NFATC1: variants seen among roughly 807,000 people sequenced by gnomAD.
NFATC1 encodes the protein nuclear factor of activated T cells 1.
A neutral mutation model predicts 76.0 loss-of-function variants in NFATC1; 22 were observed. The ratio of observed to expected loss-of-function variants is 0.29; its 90% confidence interval spans 0.21 to 0.41. The LOEUF is 0.41. NFATC1 is among the 10% of genes least tolerant of loss of function. The probability of loss-of-function intolerance (pLI) is 1.00; values close to 1 mark genes in which losing one functional copy is unlikely to be tolerated. For synonymous variants in NFATC1, 704 were observed against 613.1 expected, an observed-to-expected ratio of 1.15 and a Z score of -2.19; for missense variants, 1,357 against 1,337.7, an observed-to-expected ratio of 1.01 and a Z score of -0.23.
chr18:79,441,254 C>T (rs543177910), intron 3 of NFATC1, among the ~76,000 whole-genome samples: 1 of 152,316 alleles, frequency 6.6e-6, no homozygotes, highest in South Asian at 2.1e-4. Context: ...AGGGGTGCTG[C>T]TGGATGGTGG....
At chr18:79,457,534 G>A (rs1365620117) in intron 6 of NFATC1, among the ~76,000 whole-genome samples, 1 of 152,170 alleles carries the variant, frequency 6.6e-6, no homozygotes, top group African/African-American at 2.4e-5. Context: ...TGGTCATGTT[G>A]GCTAGTTTCT....
At chr18:79,468,476 A>G (rs2088631939) in intron 8 of NFATC1, 1 of 152,218 alleles carries the variant, frequency 6.6e-6, no homozygotes, top group South Asian at 2.1e-4. Context: ...TAACATCAAT[A>G]ATCTTTTTAT....
intron 8 of NFATC1, among the ~76,000 whole-genome samples, chr18:79,473,953 G>C (rs941234847): frequency 2.0e-5 from 3 of 149,298 alleles, no homozygotes; most frequent in African/African-American, 7.5e-5. Flanking sequence ...TAAACCTGAG[G>C]GAAGCGTGTT....
rs1049146744 is a variant in NFATC1, at chr18:79,397,370, G to C, written c.127+1019G>C. Among the ~76,000 whole-genome samples, 6 of 152,344 alleles carry C rather than the reference G, an allele frequency of 3.9e-5. 1 individual carries two copies. In the South Asian group the frequency reaches 1.2e-3, roughly 32 times the overall value. On this transcript the variant is annotated intron_variant, in intron 1 of 9. Transcript: ENST00000427363. ...ACTTCATAAGGGCAGACGTCCTTCC[G>C]AGCGCTGCCGCTTCCTGCGCGACCC...
intron 1 of NFATC1, among the ~76,000 whole-genome samples, chr18:79,407,819 A>G (rs894416792): frequency 3.9e-5 from 6 of 152,134 alleles, no homozygotes; most frequent in Non-Finnish European, 7.4e-5. Context: ...TCTTGAGGGC[A>G]TTTCTTTACG....
intron 3 of NFATC1, among the ~76,000 whole-genome samples, chr18:79,439,576 C>T (rs1230675416): frequency 1.3e-5 from 2 of 152,248 alleles, no homozygotes; most frequent in African/African-American, 4.8e-5. Context: ...CCCTGGACTG[C>T]TAAGCGCATA....
Position 79,396,268 on chromosome 18 carries a change from G to T in NFATC1, c.44G>T (p.Gly15Val). 1 of 1,483,414 alleles carries T rather than the reference G, an allele frequency of 6.7e-7. No individual in the cohort carries two copies. Among genetic ancestry groups the T allele is most frequent in the Admixed American group, 2.1e-5 (1 of 48,360 alleles). The allele number at this position is 1,483,414 out of a possible 1,614,324, so 91.9% of individuals were successfully genotyped here. A position where few individuals can be genotyped will look rare whatever the true frequency, so the allele number is the denominator to read the frequency against. Residue 15 changes from glycine to valine, a missense_variant, in exon 1 of 10, where the codon GGC (glycine) becomes GTC (valine). Gly to Val is a moderately radical substitution (Grantham distance 109). Transcript: ENST00000427363. ...SFPVPSKFPL[G>V]PAAAVFGRGE... ...CCAGTCCCTTCCAAGTTTCCACTTG[G>T]CCCTGCGGCTGCGGTCTTCGGGAGA...
rs1394164653 is a variant in NFATC1 at position 79,411,033 on chromosome 18, G to A, written c.758G>A (p.Gly253Asp). ...RASVTEESWL[G>D]ARSSRPASPC... Reference sequence around the variant, plus strand: ...AGCGTCACTGAGGAGAGCTGGCTGGGTGCCCGCTCCTCCAGACCCGCGTCC... The same window carrying A: ...AGCGTCACTGAGGAGAGCTGGCTGGATGCCCGCTCCTCCAGACCCGCGTCC... Residue 253 changes from glycine to aspartate, a missense_variant, in exon 2 of 10, where the codon GGT becomes GAT. Physicochemically the swap from Gly to Asp is moderately conservative, Grantham distance 94 (BLOSUM62 -1). This residue lies in a region of NFATC1 where 691 missense variants were observed against 613.1 expected (regional missense o/e 1.13). Transcript: ENST00000427363. 15 of 1,611,634 alleles carry A rather than the reference G, an allele frequency of 9.3e-6. No individual in the cohort carries two copies. The highest frequency in any genetic ancestry group is 1.3e-5 in the Non-Finnish European group (15 of 1,179,500).
chr18:79,504,731 A>G (rs181981070), intron 9 of NFATC1, among the ~76,000 whole-genome samples: 1 of 152,372 alleles, frequency 6.6e-6, no homozygotes, highest in African/African-American at 2.4e-5. Flanking sequence ...TGCCTGCAAG[A>G]CATCCACAAA....
intron 4 of NFATC1, among the ~76,000 whole-genome samples, chr18:79,450,184 G>C (rs771910455): frequency 1.3e-5 from 2 of 152,156 alleles, no homozygotes; most frequent in Non-Finnish European, 1.5e-5. Flanking sequence ...GTGGGTGGTC[G>C]GGGAGTCTGT....
At chr18:79,419,589 G>T (rs1301618011) in intron 2 of NFATC1, among the ~76,000 whole-genome samples, 2 of 152,208 alleles carry the variant, frequency 1.3e-5, no homozygotes, top group African/African-American at 4.8e-5. Flanking sequence ...GGTTAGCTCA[G>T]ATGCCCCCGT....
intron 9 of NFATC1, chr18:79,496,674 G>A (rs1340501863): frequency 6.6e-6 from 1 of 152,286 alleles, no homozygotes; most frequent in Admixed American, 6.5e-5. Flanking sequence ...TTTTCTTCCT[G>A]TCAATGCTGA....
At chr18:79,469,982 T>G in intron 8 of NFATC1, 1 of 985,458 alleles carries the variant, frequency 1.0e-6, no homozygotes, top group Non-Finnish European at 1.2e-6. Flanking sequence ...ACTGTCAGTG[T>G]GGTTGTTAAA....
intron 9 of NFATC1, among the ~76,000 whole-genome samples, chr18:79,526,387 C>T (rs2090764575): frequency 6.6e-6 from 1 of 152,258 alleles, no homozygotes; most frequent in African/African-American, 2.4e-5. Context: ...CCAGGATCAG[C>T]GTGGCTCTGA....
rs777207600 is a variant in NFATC1, at chr18:79,486,267, A to G, written c.2112A>G (p.Glu704=). ...TCACAGTTCCAATTATAAAAACAGAACCCACTGATGATTATGAGCCTGCTC... is the reference window on the plus strand; with the variant it reads ...TCACAGTTCCAATTATAAAAACAGAGCCCACTGATGATTATGAGCCTGCTC... The part of the protein sequence containing the change: ...LPANVPIIKT[E]PTDDYEPAPT... Residue 704 remains glutamate, a synonymous_variant, in exon 9 of 10, where the codon GAA becomes GAG. Coordinates refer to ENST00000427363, the MANE Select transcript of NFATC1 (RefSeq NM_001278669.2). 6 of 1,607,758 alleles carry G rather than the reference A, an allele frequency of 3.7e-6. No homozygotes were observed.
At chr18:79,449,119 A>G (rs2087348825) in intron 4 of NFATC1, 135 bp downstream of exon 4, 3 of 773,124 alleles carry the variant, frequency 3.9e-6, no homozygotes, top group African/African-American at 1.8e-5. Context: ...TTTAACAGCC[A>G]ATAAGTAAAC....
In NFATC1 at chr18:79,396,059, G is replaced by A. The variant is rs1467434138; in HGVS notation, c.-166G>A. The A allele has an allele frequency of 2.4e-6, 2 of 839,524 alleles. No individual in the cohort carries two copies. Among genetic ancestry groups the A allele is most frequent in the East Asian group, 5.2e-5 (1 of 19,246 alleles). 52.0% of individuals were successfully genotyped at this position (839,524 alleles called of 1,614,324 possible). A position where few individuals can be genotyped will look rare whatever the true frequency, so the allele number is the denominator to read the frequency against. ...CCGCGCAGGTCCTAGGGCCGCGGCC[G>A]GGCCCCGCCACGCGCGCACACGCCC... On this transcript the variant is annotated 5_prime_UTR_variant, in exon 1 of 10. Transcript: ENST00000427363.
chr18:79,451,326 G>A (rs984730164), intron 5 of NFATC1, among the ~76,000 whole-genome samples, 200 bp downstream of exon 5: 4 of 152,252 alleles, frequency 2.6e-5, no homozygotes, highest in African/African-American at 9.6e-5. Flanking sequence ...GGCCCCTGGC[G>A]CTGGCTCCTC....
intron 8 of NFATC1, among the ~76,000 whole-genome samples, chr18:79,472,740 C>T (rs1484314445): frequency 2.0e-5 from 3 of 152,198 alleles, no homozygotes; most frequent in Admixed American, 2.0e-4. Context: ...CCAGGCATGG[C>T]TCCCGCCTTC....
Sources: gnomAD v4.1 joint callset for allele counts (sites outside exome capture counted in the v4.1 genomes callset) on GRCh38, gnomAD v4.1.1 for gene constraint, gnomAD v4.1.1 regional missense constraint, MANE v1.5 for transcripts, NCBI Gene and HGNC (gene_info 2026-07-23, HGNC 2026-07-21) for gene names.